ATP8B1: variants seen among roughly 807,000 people sequenced by gnomAD.
The protein encoded by ATP8B1 is ATPase phospholipid transporting 8B1, also known as phospholipid-transporting ATPase IC.
A neutral mutation model predicts 149.9 loss-of-function variants in ATP8B1; 80 were observed. That is an observed-to-expected ratio of 0.53 (90% CI 0.45 to 0.64). The LOEUF is 0.64. Among genes scored for constraint, ATP8B1 ranks in the 30% least tolerant of loss-of-function variants. The probability of loss-of-function intolerance (pLI) is 0.00; values close to 1 mark genes in which losing one functional copy is unlikely to be tolerated. For synonymous variants in ATP8B1, 536 were observed against 562.8 expected, an observed-to-expected ratio of 0.95 and a Z score of 0.67; for missense variants, 1,247 against 1,552.6, an observed-to-expected ratio of 0.80 and a Z score of 3.31.
rs1048539138 is a variant in ATP8B1 at position 57,719,414 on chromosome 18, G to C, written c.181+12213C>G. 6.6e-5 allele frequency among the ~76,000 whole-genome samples: 10 copies of C among 152,178 alleles called. No individual in the cohort carries two copies. In the South Asian group the frequency reaches 1.0e-3, roughly 16 times the overall value. Reference sequence around the variant, plus strand: ...GCCAGTGGGTGCGCGCACTGTGCGCGAGCCGAAGCAAGGCGAGGCATTGCC... The same window carrying C: ...GCCAGTGGGTGCGCGCACTGTGCGCCAGCCGAAGCAAGGCGAGGCATTGCC... On this transcript the variant is annotated intron_variant, in intron 2 of 27. Transcript: ENST00000648908.
intron 2 of ATP8B1, among the ~76,000 whole-genome samples, chr18:57,730,311 G>A (rs1160981163): frequency 6.6e-6 from 1 of 152,136 alleles, no homozygotes; most frequent in Admixed American, 6.5e-5. Flanking sequence ...CAGAGACCTC[G>A]GGAAAACCAG....
intron 22 of ATP8B1, among the ~76,000 whole-genome samples, chr18:57,658,593 A>G (rs1163328333): frequency 6.7e-6 from 1 of 149,588 alleles, no homozygotes; most frequent in Non-Finnish European, 1.5e-5. Flanking sequence ...CACTTGAATA[A>G]TTTCACTCGA....
At chr18:57,702,001 G>T (rs1444788548) in intron 4 of ATP8B1, among the ~76,000 whole-genome samples, 1 of 152,042 alleles carries the variant, frequency 6.6e-6, no homozygotes, top group African/African-American at 2.4e-5. Flanking sequence ...CCTGGCCAAA[G>T]TCATCTTAAC....
chr18:57,732,243 A>G (rs749379713), intron 1 of ATP8B1, among the ~76,000 whole-genome samples: 1,937 of 9,458 alleles, frequency 0.2, 413 homozygotes, highest in Middle Eastern at 0.3. Context: ...GTGTATATAT[A>G]TGTATATATG....
intron 24 of ATP8B1, among the ~76,000 whole-genome samples, chr18:57,653,285 T>TC (rs985250364): frequency 1.1e-4 from 16 of 145,768 alleles, no homozygotes; most frequent in Admixed American, 2.7e-4. Context: ...TTCTTTTCTT[T>TC]TTTTTTTTTT....
chr18:57,680,625 A>AAAAC lies in ATP8B1; in HGVS notation c.1630+3410_1630+3411insGTTT, dbSNP rs1568193472. Reference sequence around the variant, plus strand: ...CAAAACAAAACAAAACAAAAAAAAAACCACACACGCTCACAAAAACAAGCC... The same window carrying AAAAC: ...CAAAACAAAACAAAACAAAAAAAAAAAAACCCACACACGCTCACAAAAACAAGCC... On this transcript the variant is annotated intron_variant, in intron 15 of 27. Transcript: ENST00000648908. Among the ~76,000 whole-genome samples the AAAAC allele has an allele frequency of 2.0e-3, 303 of 148,872 alleles. 2 individuals carry two copies. Among genetic ancestry groups the AAAAC allele is most frequent in the African/African-American group, 6.9e-3 (277 of 40,156 alleles).
intron 5 of ATP8B1, 30 bp from the exon 6 acceptor site, chr18:57,701,130 T>C: frequency 1.2e-6 from 2 of 1,613,342 alleles, no homozygotes; most frequent in Non-Finnish European, 1.7e-6. Flanking sequence ...AAATGCTGTT[T>C]TAAACATCTC....
At chr18:57,656,255 C>G (rs757945905) in intron 22 of ATP8B1, among the ~76,000 whole-genome samples, 1 of 152,058 alleles carries the variant, frequency 6.6e-6, no homozygotes, top group Non-Finnish European at 1.5e-5. Flanking sequence ...TGTGCTAAAC[C>G]CTGACTGACA....
At chr18:57,780,857 T>C (rs2080350252) in intron 1 of ATP8B1, among the ~76,000 whole-genome samples, 1 of 152,192 alleles carries the variant, frequency 6.6e-6, no homozygotes, top group African/African-American at 2.4e-5. Context: ...ACATAACTGA[T>C]TAGGAAATGA....
chr18:57,656,493 C>T (rs1023871371), intron 22 of ATP8B1, among the ~76,000 whole-genome samples: 1 of 151,044 alleles, frequency 6.6e-6, no homozygotes, highest in Non-Finnish European at 1.5e-5. Context: ...TCAAGCGATA[C>T]TCTTGCCTCA....
intron 1 of ATP8B1, among the ~76,000 whole-genome samples, chr18:57,755,205 A>G (rs971544990): frequency 2.0e-5 from 3 of 152,212 alleles, no homozygotes; most frequent in African/African-American, 7.2e-5. Flanking sequence ...GGCTGAAAGT[A>G]TTCATATATT....
intron 1 of ATP8B1, among the ~76,000 whole-genome samples, chr18:57,781,078 A>G (rs1018464936): frequency 1.3e-5 from 2 of 152,266 alleles, no homozygotes; most frequent in Admixed American, 6.5e-5. Context: ...ACTGCTGGTC[A>G]GATATGAGTC....
At chr18:57,757,069 G>C (rs1328728774) in intron 1 of ATP8B1, among the ~76,000 whole-genome samples, 1 of 152,136 alleles carries the variant, frequency 6.6e-6, no homozygotes, top group Non-Finnish European at 1.5e-5. Flanking sequence ...ACGCATATTG[G>C]TGAGCCTGAG....
rs2080391493 is a variant in ATP8B1 at position 57,784,827 on chromosome 18, G to C, written c.-26+18171C>G. Reference sequence around the variant, plus strand: ...GATACTTCTTTGTTGTAGAGGCTGAGCTGCATATTGTAGGATATTTAGAAG... The same window carrying C: ...GATACTTCTTTGTTGTAGAGGCTGACCTGCATATTGTAGGATATTTAGAAG... On this transcript the variant is annotated intron_variant, in intron 1 of 27. Coordinates refer to ENST00000648908, the MANE Select transcript of ATP8B1 (RefSeq NM_001374385.1). The surrounding 1 kb of genome is among the most constrained non-coding windows in gnomAD (Gnocchi z 4.4). 6.6e-6 allele frequency among the ~76,000 whole-genome samples: 1 copy of C among 152,170 alleles called. No homozygotes were observed. Among genetic ancestry groups the C allele is most frequent in the Non-Finnish European group, 1.5e-5 (1 of 68,032 alleles).
intron 14 of ATP8B1, among the ~76,000 whole-genome samples, chr18:57,684,538 A>AT (rs904156787): frequency 6.0e-4 from 91 of 151,960 alleles, no homozygotes; most frequent in South Asian, 4.0e-3. Context: ...TAATTTTTGT[A>AT]TTTTTTTGTA....
intron 14 of ATP8B1, 68 bp from the exon 15 acceptor site, chr18:57,684,260 C>T (rs1912125316): frequency 6.6e-7 from 1 of 1,509,524 alleles, no homozygotes; most frequent in African/African-American, 1.4e-5. Flanking sequence ...ATGACATGAA[C>T]TTTTCTTCAA....
At chr18:57,674,386 C>CTTTTT (rs36078409) in intron 16 of ATP8B1, among the ~76,000 whole-genome samples, 23 of 128,370 alleles carry the variant, frequency 1.8e-4, no homozygotes, top group African/African-American at 2.6e-4. Flanking sequence ...ATACCAGTTT[C>CTTTTT]TTTTTTTTTT....
At chr18:57,781,426 G>A (rs2080355891) in intron 1 of ATP8B1, among the ~76,000 whole-genome samples, 1 of 152,232 alleles carries the variant, frequency 6.6e-6, no homozygotes, top group Admixed American at 6.5e-5. Context: ...AGCTATATGG[G>A]TTATTAGAAA....
At chr18:57,654,315 A>G (rs1348707531) in intron 23 of ATP8B1, among the ~76,000 whole-genome samples, 1 of 150,702 alleles carries the variant, frequency 6.6e-6, no homozygotes, top group African/African-American at 2.4e-5. Context: ...CCTGTTATCA[A>G]TATTCTTTTT....
Sources: allele counts gnomAD v4.1 joint callset (sites outside exome capture counted in the v4.1 genomes callset), GRCh38; gene constraint gnomAD v4.1.1; non-coding constraint Gnocchi (gnomAD v3.1); transcripts MANE v1.5; gene names NCBI Gene and HGNC (gene_info 2026-07-23, HGNC 2026-07-21).